KMT2D: variants seen among roughly 807,000 people sequenced by gnomAD.
The protein encoded by KMT2D is lysine methyltransferase 2D.
Under a neutral mutation model 512.7 loss-of-function variants are expected in KMT2D, and 55 were observed. The ratio of observed to expected loss-of-function variants is 0.11; its 90% CI spans 0.09 to 0.13. KMT2D has a LOEUF of 0.13. Ranked by LOEUF, KMT2D falls within the 10% of genes least tolerant of loss-of-function variation. The pLI, the probability that KMT2D is intolerant of heterozygous loss-of-function variation, is 1.00. For synonymous variants in KMT2D, 2,995 were observed against 2,904.0 expected (o/e 1.03, Z -1.01); for missense variants, 6,061 against 7,127.9 (o/e 0.85, Z 5.39).
At position 49,041,760 on chromosome 12, in the gene KMT2D, C is replaced by A; in HGVS notation, c.6184-55G>T. ...CTAGTGCTTGGTCTCATGCCCCGCC[C>A]CCATACTGTAGTGTTTTCACACTCC... is the stretch of plus-strand genomic sequence containing the variant. On this transcript the variant is annotated intron_variant, in intron 30 of 54. Transcript: ENST00000301067. The surrounding 1 kb of genome is among the most constrained non-coding windows in gnomAD (Gnocchi z 5.4). 6.4e-7 allele frequency: 1 copy of A among 1,566,966 alleles called. No individual in the cohort carries two copies.
intron 1 of KMT2D, among the ~76,000 whole-genome samples, chr12:49,058,624 G>A (rs1592167767): frequency 6.6e-6 from 1 of 152,096 alleles, no homozygotes; most frequent in East Asian, 1.9e-4. Flanking sequence ...TGGTTTCCAG[G>A]AGAAAAGAGC....
rs1194863974 is a variant in KMT2D at position 49,031,832 on chromosome 12, G to C, written c.12873C>G (p.Ala4291=). 7 of 1,558,308 alleles carry C rather than the reference G, an allele frequency of 4.5e-6. No individual in the cohort carries two copies. The highest frequency in any genetic ancestry group is 5.2e-6 in the Non-Finnish European group (6 of 1,151,726). ...PRPQGPPRLP[A]PPGALSTGPV... ...GTCCTGTAGATAAGGCTCCTGGTGG[G>C]GCAGGGAGCCGGGGTGGGCCCTGAG... Residue 4291 remains alanine (A), a synonymous_variant, in exon 40 of 55, where the codon GCC becomes GCG. Transcript: ENST00000301067.
Position 49,051,830 on chromosome 12 carries a change from G to A in KMT2D, c.1853C>T (p.Ser618Phe). 1 of 1,613,160 alleles carries A rather than the reference G, an allele frequency of 6.2e-7. No homozygotes were observed. The highest frequency in any genetic ancestry group is 2.2e-5 in the East Asian group (1 of 44,844). The change falls in exon 11 of 55, where the codon TCC becomes TTC. Residue 618 changes from serine to phenylalanine, a missense_variant. This residue lies in a region of KMT2D where 848 missense variants were observed against 838.5 expected (regional missense o/e 1.01). Transcript: ENST00000301067. Reference protein sequence around the residue: ...LSPPPEESPLSPPPEASRLSP... With the variant: ...LSPPPEESPLFPPPEASRLSP... ...CAGGCGTGATGCCTCAGGTGGTGGG[G>A]AAAGGGGAGACTCCTCAGGTGGAGG...
rs759884244 is a variant in KMT2D, at chr12:49,041,322, C to T, written c.6448G>A (p.Val2150Met). ...DGFLKPPAGSVPGPDSPGELF... is the reference protein window; with the variant it reads ...DGFLKPPAGSMPGPDSPGELF... Reference sequence around the variant, plus strand: ...TCACCAGGCGAGTCAGGGCCAGGCACCGAGCCCGCCGGCGGCTTCAGGAAC... The same window carrying T: ...TCACCAGGCGAGTCAGGGCCAGGCATCGAGCCCGCCGGCGGCTTCAGGAAC... Residue 2150 changes from valine (V) to methionine (M), a missense_variant, in exon 32 of 55, where the codon GTG becomes ATG. By Grantham distance (21) the Val-to-Met change is conservative (BLOSUM62 1). Coordinates refer to ENST00000301067, the MANE Select transcript of KMT2D (RefSeq NM_003482.4). This position sits in a 1 kb window ranked among gnomAD's most constrained non-coding sequence, Gnocchi z 5.4. The T allele has an allele frequency of 1.3e-6, 2 of 1,537,602 alleles. No homozygotes were observed. Among genetic ancestry groups the T allele is most frequent in the South Asian group, 2.5e-5 (2 of 78,770 alleles).
Position 49,037,980 on chromosome 12 carries a change from C to T in KMT2D, c.9376G>A (p.Gly3126Arg), listed in dbSNP as rs2120488696. 1.9e-6 allele frequency: 3 copies of T among 1,601,050 alleles called. No homozygotes were observed. Among genetic ancestry groups the T allele is most frequent in the Non-Finnish European group, 2.6e-6 (3 of 1,174,194 alleles). ...AATTGGCAAGGAGAAGGGTGGCGTC[C>T]ACCCTCCTCCACCTTGGGCTTCACC... ...PEVKPKVEEG[G>R]RHPSPCQFTI... The change falls in exon 35 of 55, where the codon GGA becomes AGA. Residue 3126 changes from glycine (G) to arginine (R), a missense_variant. Transcript: ENST00000301067.
At chr12:49,025,092 G>T in intron 49 of KMT2D, 146 bp from the exon 50 acceptor site, 1 of 967,420 alleles carries the variant, frequency 1.0e-6, no homozygotes, top group Non-Finnish European at 1.5e-6. Context: ...TCCTCTCTTG[G>T]CCTCCTAGTC....
In KMT2D at chr12:49,022,647, A is replaced by G; in HGVS notation, c.16281T>C (p.Ile5427=). The part of the protein sequence containing the change: ...LEKHTMVIEY[I]GTIIRNEVAN... ...CCACCTCGTTCCGAATGATGGTGCC[A>G]ATGTACTCGATAACCATTGTGTGCT... The change falls in exon 52 of 55, where the codon ATT becomes ATC. Residue 5427 remains isoleucine (I), a synonymous_variant. Coordinates refer to ENST00000301067, the MANE Select transcript of KMT2D (RefSeq NM_003482.4). This position sits in a 1 kb window ranked among gnomAD's most constrained non-coding sequence, Gnocchi z 8.6. The G allele has an allele frequency of 6.2e-7, 1 of 1,613,970 alleles. No individual in the cohort carries two copies. The highest frequency in any genetic ancestry group is 1.3e-5 in the African/African-American group (1 of 75,016).
In KMT2D at chr12:49,020,436, A is replaced by C. The variant is rs1161214040; in HGVS notation, c.*1344T>G. The C allele has an allele frequency of 2.7e-5, 5 of 185,116 alleles. No homozygotes were observed. The highest frequency in any genetic ancestry group is 9.4e-5 in the African/African-American group (4 of 42,538). The allele number at this position is 185,116 out of a possible 1,614,324, so 11.5% of individuals were successfully genotyped here. On this transcript the variant is annotated 3_prime_UTR_variant, in exon 55 of 55. Coordinates refer to ENST00000301067, the MANE Select transcript of KMT2D (RefSeq NM_003482.4). Reference sequence around the variant, plus strand: ...AAGAAAATAGATATATTTATATAGAATATATAAAGCACAAAAATTAGTAGT... The same window carrying C: ...AAGAAAATAGATATATTTATATAGACTATATAAAGCACAAAAATTAGTAGT...
rs1470464160 is a variant in KMT2D, at chr12:49,044,527, G to A, written c.4964-5C>T. On this transcript the variant is annotated splice_region_variant and splice_polypyrimidine_tract_variant and intron_variant, in intron 20 of 54. Coordinates refer to ENST00000301067, the MANE Select transcript of KMT2D (RefSeq NM_003482.4). The surrounding 1 kb of genome is among the most constrained non-coding windows in gnomAD (Gnocchi z 6.4). ...ACTCCATGTGCTCCACACCACCTGC[G>A]TATGGTGACAGAAGAGATGGAGGCA... The A allele has an allele frequency of 9.9e-6, 16 of 1,613,544 alleles. No homozygotes were observed. Among genetic ancestry groups the A allele is most frequent in the African/African-American group, 5.3e-5 (4 of 74,910 alleles).
chr12:49,027,253 G>C lies in KMT2D; in HGVS notation c.14713C>G (p.Gln4905Glu), dbSNP rs1555186053. 1 of 1,553,684 alleles carries C rather than the reference G, an allele frequency of 6.4e-7. No individual in the cohort carries two copies. Among genetic ancestry groups the C allele is most frequent in the Non-Finnish European group, 8.7e-7 (1 of 1,153,346 alleles). ...TCTTCAGGAGGTGGGGCCGAGAGCT[G>C]TCGCACATCCAGATTGGAGACATTG... Reference protein sequence around the residue: ...TYNVSNLDVRQLSAPPPEEPS... With the variant: ...TYNVSNLDVRELSAPPPEEPS... Residue 4905 changes from glutamine to glutamate, a missense_variant, in exon 49 of 55, where the codon CAG becomes GAG. Coordinates refer to ENST00000301067, the MANE Select transcript of KMT2D (RefSeq NM_003482.4).
chr12:49,048,022 G>A lies in KMT2D; in HGVS notation c.4179C>T (p.His1393=), dbSNP rs1174985826. The part of the protein sequence containing the change: ...CGSFGRGAEG[H]LLACSQCSQC... ...GAGAGCACTGCGAACAGGCAAGGAG[G>A]TGGCCCTCTGCCCCCCGGCCAAAGC... Residue 1393 remains histidine, a synonymous_variant, in exon 15 of 55, where the codon CAC becomes CAT. Transcript: ENST00000301067. 5 of 1,612,420 alleles carry A rather than the reference G, an allele frequency of 3.1e-6. No individual in the cohort carries two copies. In the Admixed American group the frequency reaches 8.3e-5, roughly 27 times the overall value.
At chr12:49,057,616 C>T (rs1938488438) in intron 1 of KMT2D, among the ~76,000 whole-genome samples, 1 of 152,180 alleles carries the variant, frequency 6.6e-6, no homozygotes, top group African/African-American at 2.4e-5. Flanking sequence ...TAGGGGGCAC[C>T]TCCAAAAAGC....
At chr12:49,058,458 G>A (rs1266656307) in intron 1 of KMT2D, among the ~76,000 whole-genome samples, 1 of 152,194 alleles carries the variant, frequency 6.6e-6, no homozygotes, top group Non-Finnish European at 1.5e-5. Context: ...AGATAAGAGT[G>A]AGGGAGCAAA....
Position 49,030,920 on chromosome 12 carries a change from G to A in KMT2D, c.13644C>T (p.Ser4548=), listed in dbSNP as rs201119371. 4.4e-3 allele frequency: 7,116 copies of A among 1,613,836 alleles called. 27 individuals are homozygous for A. The highest frequency in any genetic ancestry group is 7.0e-3 in the South Asian group (640 of 91,066). The part of the protein sequence containing the change: ...KLRKEDGVRA[S]EALLKQLKQE... Reference sequence around the variant, plus strand: ...GTTTCAGCTGTTTCAGCAAGGCCTCGCTGGCCCTGACCCCGTCCTCCTTCC... The same window carrying A: ...GTTTCAGCTGTTTCAGCAAGGCCTCACTGGCCCTGACCCCGTCCTCCTTCC... Residue 4548 remains serine (S), a synonymous_variant, in exon 41 of 55, where the codon AGC becomes AGT. Transcript: ENST00000301067.
At position 49,044,884 on chromosome 12, in the gene KMT2D, AGTG is replaced by A. The variant is rs762888070; in HGVS notation, c.4820_4822del (p.Pro1607del). On this transcript the variant is annotated inframe_deletion, in exon 20 of 55. Transcript: ENST00000301067. This position sits in a 1 kb window ranked among gnomAD's most constrained non-coding sequence, Gnocchi z 6.4. ...TCCTCGCCGTTGGCGCCGCTTGTGC[AGTG>A]GTGACATGGTCAGGTTACGCAGCAA... 1.2e-6 allele frequency: 2 copies of A among 1,614,062 alleles called. No homozygotes were observed. Among genetic ancestry groups the A allele is most frequent in the South Asian group, 2.2e-5 (2 of 91,090 alleles).
At position 49,046,759 on chromosome 12, in the gene KMT2D, C is replaced by T. The variant is rs773033619; in HGVS notation, c.4268G>A (p.Arg1423His). ...ITKVMLLKGW[R>H]CVECIVCEVC... ...CTCACACACAATACACTCCACACAA[C>T]GCCAGCCCTTGAGCAGCATCACCTT... The change falls in exon 16 of 55, where the codon CGT becomes CAT. Residue 1423 changes from arginine (R) to histidine (H), a missense_variant. This residue lies in a region of KMT2D where 53 missense variants were observed against 148.3 expected (regional missense o/e 0.36). Transcript: ENST00000301067. The surrounding 1 kb of genome is among the most constrained non-coding windows in gnomAD (Gnocchi z 4.2). 3 of 1,613,836 alleles carry T rather than the reference C, an allele frequency of 1.9e-6. No homozygotes were observed. Among genetic ancestry groups the T allele is most frequent in the Non-Finnish European group, 1.7e-6 (2 of 1,179,868 alleles).
Position 49,032,876 on chromosome 12 carries a change from CTGTTGTTGAAGCTGCTGCTGCTGT to C in KMT2D, c.11805_11828del (p.Gln3947_Gln3954del). The C allele has an allele frequency of 1.3e-6, 2 of 1,549,912 alleles. No homozygotes were observed. The highest frequency in any genetic ancestry group is 1.7e-6 in the Non-Finnish European group (2 of 1,146,744). ...GCTGCTGTTGAAGCTGTTGCTGCTGCTGTTGTTGAAGCTGCTGCTGCTGTTGCTGCTGTTGAAGCTGTTGCTGCT... is the reference window on the plus strand; with the variant it reads ...GCTGCTGTTGAAGCTGTTGCTGCTGCTGCTGCTGTTGAAGCTGTTGCTGCT... On this transcript the variant is annotated inframe_deletion, in exon 40 of 55. Transcript: ENST00000301067.
Position 49,044,056 on chromosome 12 carries a change from A to C in KMT2D, c.5189-58T>G, listed in dbSNP as rs1363845254. On this transcript the variant is annotated intron_variant, in intron 22 of 54. Transcript: ENST00000301067. The surrounding 1 kb of genome is among the most constrained non-coding windows in gnomAD (Gnocchi z 6.4). ...TGAGAGCATGCTGCTCCCAACTTGCAGGGTGACACTTTGTGCCTACTCTCT... is the reference window on the plus strand; with the variant it reads ...TGAGAGCATGCTGCTCCCAACTTGCCGGGTGACACTTTGTGCCTACTCTCT... 6.2e-7 allele frequency: 1 copy of C among 1,607,590 alleles called. No homozygotes were observed. The highest frequency in any genetic ancestry group is 1.3e-5 in the African/African-American group (1 of 74,808).
At chr12:49,027,688 A>G in intron 48 of KMT2D, 115 bp downstream of exon 48, 2 of 1,338,028 alleles carry the variant, frequency 1.5e-6, no homozygotes, top group South Asian at 1.3e-5. Context: ...CTCCTGGCCT[A>G]AAGTGATTCA....
Sources: allele counts gnomAD v4.1 joint callset (sites outside exome capture counted in the v4.1 genomes callset), GRCh38; gene constraint gnomAD v4.1.1; regional missense constraint gnomAD v4.1.1; non-coding constraint Gnocchi (gnomAD v3.1); transcripts MANE v1.5; gene names NCBI Gene and HGNC (gene_info 2026-07-23, HGNC 2026-07-21).